The following ARMH3 variants were observed in gnomAD, a reference collection of about 807,000 sequenced individuals.
The protein encoded by ARMH3 is armadillo like helical domain containing 3, also known as armadillo-like helical domain-containing protein 3.
ARMH3 carries 60 observed loss-of-function variants against 99.1 expected under a neutral mutation model. The ratio of observed to expected loss-of-function variants is 0.61; its 90% CI spans 0.49 to 0.75. The LOEUF (loss-of-function observed/expected upper bound fraction) is 0.75. ARMH3 is among the 30% of genes least tolerant of loss of function. The pLI, the probability that ARMH3 is intolerant of heterozygous loss-of-function variation, is 0.00. For missense variants in ARMH3, 679 were observed against 843.1 expected (o/e 0.81, Z 2.41); for synonymous variants, 285 against 292.8 (o/e 0.97, Z 0.27).
At chr10:101,984,565 A>C (rs890173813) in intron 19 of ARMH3, among the ~76,000 whole-genome samples, 1 of 151,834 alleles carries the variant, frequency 6.6e-6, no homozygotes, top group Non-Finnish European at 1.5e-5. Context: ...TCCCACCAAC[A>C]CTGAGCCACT....
At chr10:102,021,010 C>A (rs2066872702) in intron 8 of ARMH3, among the ~76,000 whole-genome samples, 1 of 152,036 alleles carries the variant, frequency 6.6e-6, no homozygotes, top group East Asian at 1.9e-4. Flanking sequence ...CAGTTTTTTT[C>A]ATGTTTCATG....
chr10:102,048,694 A>AG (rs1427166477), intron 1 of ARMH3, among the ~76,000 whole-genome samples: 1 of 152,026 alleles, frequency 6.6e-6, no homozygotes, highest in Non-Finnish European at 1.5e-5. Flanking sequence ...CAAAGTGCTG[A>AG]GATTACAGGC....
chr10:102,007,544 G>A (rs925472856), intron 13 of ARMH3, among the ~76,000 whole-genome samples: 9 of 151,196 alleles, frequency 6.0e-5, no homozygotes, highest in Non-Finnish European at 1.3e-4. Flanking sequence ...ATTCAGCCGG[G>A]TGCGGTGGCT....
At chr10:102,052,157 C>A (rs1465531737) in intron 1 of ARMH3, among the ~76,000 whole-genome samples, 2 of 152,074 alleles carry the variant, frequency 1.3e-5, no homozygotes, top group Non-Finnish European at 2.9e-5. Flanking sequence ...ATTATACAAG[C>A]CTCATGAACA....
chr10:102,011,611 T>C (rs1316862753), intron 11 of ARMH3, 112 bp downstream of exon 11: 21 of 832,266 alleles, frequency 2.5e-5, no homozygotes, highest in Admixed American at 5.5e-5. Context: ...AGCCTCTCTC[T>C]TGTCATCATG....
At chr10:101,916,554 T>A (rs1843093993) in intron 23 of ARMH3, among the ~76,000 whole-genome samples, 1 of 152,240 alleles carries the variant, frequency 6.6e-6, no homozygotes, top group South Asian at 2.1e-4. Flanking sequence ...TGAAGAACTA[T>A]TCTTTTTCTG....
chr10:102,054,861 T>C (rs2067799030), intron 1 of ARMH3, among the ~76,000 whole-genome samples: 5 of 151,276 alleles, frequency 3.3e-5, no homozygotes, highest in Admixed American at 2.0e-4. Context: ...CCGGGCGTGG[T>C]AGCTCACGTC....
At chr10:101,886,877 T>C (rs2067560135) in intron 24 of ARMH3, among the ~76,000 whole-genome samples, 2 of 152,312 alleles carry the variant, frequency 1.3e-5, no homozygotes, top group East Asian at 1.9e-4. Flanking sequence ...CATCTATCCA[T>C]GCTCTTTAGG....
chr10:101,931,313 A>AG (rs1843712299), intron 23 of ARMH3, among the ~76,000 whole-genome samples: 2 of 152,306 alleles, frequency 1.3e-5, no homozygotes, highest in South Asian at 4.1e-4. Flanking sequence ...TCTGAGGGTC[A>AG]GTAGTTCAAG....
intron 7 of ARMH3, 56 bp from the exon 8 acceptor site, chr10:102,023,619 A>G: frequency 1.9e-6 from 3 of 1,610,422 alleles, no homozygotes; most frequent in Non-Finnish European, 2.5e-6. Flanking sequence ...CTGAGAACAC[A>G]GAGAAAATTT....
At chr10:101,884,021 GCAAA>G (rs2067481549) in intron 24 of ARMH3, among the ~76,000 whole-genome samples, 2 of 151,192 alleles carry the variant, frequency 1.3e-5, no homozygotes, top group Non-Finnish European at 1.5e-5. Context: ...CACCCGCCAA[GCAAA>G]CAAAAAGAAA....
At chr10:101,883,196 C>T (rs2067459238) in intron 24 of ARMH3, among the ~76,000 whole-genome samples, 1 of 152,146 alleles carries the variant, frequency 6.6e-6, no homozygotes, top group Non-Finnish European at 1.5e-5. Flanking sequence ...GGGAGGATCA[C>T]TTTAGGCCAA....
intron 23 of ARMH3, among the ~76,000 whole-genome samples, chr10:101,922,845 G>A (rs1386062625): frequency 1.3e-5 from 2 of 152,164 alleles, no homozygotes; most frequent in Non-Finnish European, 2.9e-5. Context: ...ATGAATGCAT[G>A]TGAGGGGAGA....
intron 13 of ARMH3, 80 bp downstream of exon 13, chr10:102,009,294 A>G: frequency 1.5e-6 from 2 of 1,325,330 alleles, no homozygotes; most frequent in Non-Finnish European, 2.2e-6. Flanking sequence ...AAACAAGTAC[A>G]GCCAGATAGG....
At chr10:101,880,635 C>A (rs1163478254) in intron 24 of ARMH3, among the ~76,000 whole-genome samples, 1 of 152,168 alleles carries the variant, frequency 6.6e-6, no homozygotes, top group Admixed American at 6.6e-5. Flanking sequence ...TCCCCTCCCA[C>A]CACTCACAGC....
chr10:101,947,571 C>T (rs553726692), intron 22 of ARMH3, among the ~76,000 whole-genome samples: 7 of 152,150 alleles, frequency 4.6e-5, no homozygotes, highest in African/African-American at 1.7e-4. Flanking sequence ...GAGGCCAAGG[C>T]AGGCGGATCA....
At chr10:101,975,071 AAAAG>A in intron 20 of ARMH3, 137 bp downstream of exon 20, 2 of 408,360 alleles carry the variant, frequency 4.9e-6, no homozygotes, top group South Asian at 4.2e-5. Context: ...AAAAAAAAAA[AAAAG>A]ACAAAAAGAG....
At chr10:102,004,628 C>T (rs755487705) in intron 14 of ARMH3, among the ~76,000 whole-genome samples, 14 of 152,170 alleles carry the variant, frequency 9.2e-5, no homozygotes, top group Non-Finnish European at 1.3e-4. Context: ...TCACATGGAA[C>T]TCATATATAT....
intron 23 of ARMH3, among the ~76,000 whole-genome samples, chr10:101,898,266 G>C (rs1454548341): frequency 6.6e-6 from 1 of 151,690 alleles, no homozygotes; most frequent in Non-Finnish European, 1.5e-5. Context: ...TGAGATGGGA[G>C]GATGATTTGA....
Sources: allele counts gnomAD v4.1 joint callset (sites outside exome capture counted in the v4.1 genomes callset), GRCh38; gene constraint gnomAD v4.1.1; transcripts MANE v1.5; gene names NCBI Gene and HGNC (gene_info 2026-07-23, HGNC 2026-07-21).